EIF4G3: variants seen among roughly 807,000 people sequenced by gnomAD.
EIF4G3 encodes the protein eukaryotic translation initiation factor 4 gamma 3.
EIF4G3 carries 34 observed loss-of-function variants against 186.4 expected under a neutral mutation model. That is an observed-to-expected ratio of 0.18 (90% CI 0.14 to 0.24). EIF4G3 has a LOEUF of 0.24. EIF4G3 is among the 10% of genes least tolerant of loss of function. EIF4G3 has a pLI of 1.00. For missense variants in EIF4G3, 1,536 were observed against 1,948.5 expected, an observed-to-expected ratio of 0.79 and a Z score of 3.99; for synonymous variants, 673 against 679.5, an observed-to-expected ratio of 0.99 and a Z score of 0.15.
intron 10 of EIF4G3, among the ~76,000 whole-genome samples, chr1:20,976,956 T>C (rs1441528434): frequency 6.6e-6 from 1 of 152,042 alleles, no homozygotes; most frequent in Non-Finnish European, 1.5e-5. Flanking sequence ...TGAGAGAAGT[T>C]CTATAGATAA....
At chr1:20,816,436 C>T (rs1373128577) in intron 34 of EIF4G3, among the ~76,000 whole-genome samples, 1 of 126,500 alleles carries the variant, frequency 7.9e-6, no homozygotes, top group African/African-American at 3.0e-5. Context: ...CCCGGCCGCC[C>T]CTACTGGGAA....
chr1:20,842,391 G>C (rs2068961207), intron 29 of EIF4G3, among the ~76,000 whole-genome samples: 1 of 152,168 alleles, frequency 6.6e-6, no homozygotes, highest in African/African-American at 2.4e-5. Context: ...TTTTGAGACA[G>C]AGTTTCACTC....
rs777228085 is a variant in EIF4G3 at position 20,893,611 on chromosome 1, C to T, written c.2159G>A (p.Arg720Gln). The T allele has an allele frequency of 6.2e-5, 98 of 1,577,364 alleles. No individual in the cohort carries two copies. The highest frequency in any genetic ancestry group is 8.2e-5 in the Non-Finnish European group (95 of 1,152,696). ...AGGCAAAATTCGAGGATCCAGAGTT[C>T]GCATTGGCAATTTGGGTTGGTTGAT... ...DKINQPKLPM[R>Q]TLDPRILPRG... The change falls in exon 18 of 37, where the codon CGA becomes CAA. Residue 720 changes from arginine (R) to glutamine (Q), a missense_variant. By Grantham distance (43) the Arg-to-Gln change is conservative (BLOSUM62 1). This residue lies in a region of EIF4G3 where 139 missense variants were observed against 192.8 expected (regional missense o/e 0.72). Coordinates refer to ENST00000602326, the MANE Select transcript of EIF4G3 (RefSeq NM_001391906.1).
intron 2 of EIF4G3, among the ~76,000 whole-genome samples, chr1:21,114,559 C>T (rs1480287524): frequency 6.6e-6 from 1 of 152,080 alleles, no homozygotes; most frequent in African/African-American, 2.4e-5. Flanking sequence ...AATGGTGATG[C>T]TTGAAAAAAG....
intron 4 of EIF4G3, among the ~76,000 whole-genome samples, chr1:21,045,954 C>T (rs981375727): frequency 6.6e-6 from 1 of 152,178 alleles, no homozygotes; most frequent in Non-Finnish European, 1.5e-5. Flanking sequence ...AAAAGCTGCT[C>T]ATTCACAAAG....
chr1:21,066,938 C>G (rs1284300766), intron 3 of EIF4G3, among the ~76,000 whole-genome samples: 1 of 152,076 alleles, frequency 6.6e-6, no homozygotes, highest in African/African-American at 2.4e-5. Flanking sequence ...TCCCACAGTT[C>G]AAAGAAACAC....
intron 14 of EIF4G3, among the ~76,000 whole-genome samples, chr1:20,937,912 C>T (rs896927653): frequency 6.6e-6 from 1 of 152,070 alleles, no homozygotes; most frequent in African/African-American, 2.4e-5. Flanking sequence ...TGGCCAATAA[C>T]TGAGGCTTTT....
intron 2 of EIF4G3, among the ~76,000 whole-genome samples, chr1:21,095,116 C>T (rs757349540): frequency 2.7e-4 from 41 of 152,210 alleles, no homozygotes; most frequent in Admixed American, 1.8e-3. Flanking sequence ...TTACTTAACA[C>T]GCCTAGCAGA....
In EIF4G3 at chr1:21,125,769, T is replaced by C. The variant is rs1039550630; in HGVS notation, c.-271-36556A>G. ...AATATATATAATTTTTTTATATATATATACACACACACACACACACACACA... is the reference window on the plus strand; with the variant it reads ...AATATATATAATTTTTTTATATATACATACACACACACACACACACACACA... On this transcript the variant is annotated intron_variant, in intron 2 of 36. Coordinates refer to ENST00000602326, the MANE Select transcript of EIF4G3 (RefSeq NM_001391906.1). 2.7e-3 allele frequency among the ~76,000 whole-genome samples: 306 copies of C among 114,490 alleles called. 2 individuals are homozygous for C. Among genetic ancestry groups the C allele is most frequent in the African/African-American group, 8.6e-3 (245 of 28,562 alleles). 75.1% of individuals were successfully genotyped at this position (114,490 alleles called of 152,430 possible).
At chr1:20,842,646 G>A (rs891493194) in intron 29 of EIF4G3, among the ~76,000 whole-genome samples, 8 of 151,330 alleles carry the variant, frequency 5.3e-5, no homozygotes, top group East Asian at 2.0e-4. Context: ...GATTATAGGC[G>A]TGAGCCACCG....
intron 2 of EIF4G3, among the ~76,000 whole-genome samples, chr1:21,131,149 A>G (rs139085474): frequency 2.0e-5 from 3 of 152,054 alleles, no homozygotes; most frequent in Non-Finnish European, 4.4e-5. Context: ...CTGAGTCACA[A>G]GAATCACTTG....
Position 20,963,311 on chromosome 1 carries a change from T to G in EIF4G3, c.714+6163A>C, listed in dbSNP as rs147685093. 5.2e-3 allele frequency among the ~76,000 whole-genome samples: 787 copies of G among 152,296 alleles called. 7 individuals are homozygous for G. Among genetic ancestry groups the G allele is most frequent in the African/African-American group, 0.018 (756 of 41,554 alleles). ...CAAATTATCACAATGTCCAAAAAAT[T>G]TCCCAATGTATTTACTGAAAAAAAT... On this transcript the variant is annotated intron_variant, in intron 12 of 36. Transcript: ENST00000602326.
intron 29 of EIF4G3, chr1:20,847,838 T>C: frequency 2.1e-6 from 1 of 471,768 alleles, no homozygotes; most frequent in Non-Finnish European, 4.4e-6. Context: ...AACTTCCTTC[T>C]ACTTCTTCTG....
intron 4 of EIF4G3, among the ~76,000 whole-genome samples, chr1:21,034,923 A>G (rs2093050974): frequency 6.6e-6 from 1 of 152,124 alleles, no homozygotes; most frequent in Non-Finnish European, 1.5e-5. Context: ...GTCGTAAGCC[A>G]GGCAAGGGGG....
chr1:20,821,928 A>G (rs2062477567), intron 33 of EIF4G3, among the ~76,000 whole-genome samples: 1 of 152,126 alleles, frequency 6.6e-6, no homozygotes, highest in South Asian at 2.1e-4. Context: ...CCAGAGCTGG[A>G]GTGCAATAAT....
intron 3 of EIF4G3, among the ~76,000 whole-genome samples, chr1:21,056,101 A>G (rs1474923375): frequency 6.6e-6 from 1 of 152,190 alleles, no homozygotes; most frequent in Non-Finnish European, 1.5e-5. Context: ...GGAAACACCA[A>G]TGAAAAACAA....
intron 2 of EIF4G3, among the ~76,000 whole-genome samples, chr1:21,128,515 C>CA (rs928681115): frequency 7.5e-5 from 11 of 146,090 alleles, no homozygotes; most frequent in East Asian, 3.9e-4. Flanking sequence ...ATCTCAAAAA[C>CA]AAAAAAAAAA....
At chr1:21,126,645 G>A (rs1347280415) in intron 2 of EIF4G3, among the ~76,000 whole-genome samples, 2 of 151,418 alleles carry the variant, frequency 1.3e-5, no homozygotes, top group African/African-American at 4.9e-5. Flanking sequence ...GGCTACCACA[G>A]AATCAGACCC....
intron 14 of EIF4G3, among the ~76,000 whole-genome samples, chr1:20,939,623 G>A (rs1187859834): frequency 2.6e-5 from 4 of 152,062 alleles, no homozygotes; most frequent in Non-Finnish European, 5.9e-5. Flanking sequence ...CAATTCTGAG[G>A]TATGGTTTGT....
Sources: allele counts gnomAD v4.1 joint callset (sites outside exome capture counted in the v4.1 genomes callset), GRCh38; gene constraint gnomAD v4.1.1; regional missense constraint gnomAD v4.1.1; transcripts MANE v1.5; gene names NCBI Gene and HGNC (gene_info 2026-07-23, HGNC 2026-07-21).